PRKX: variants seen among roughly 807,000 people sequenced by gnomAD.
The protein encoded by PRKX is cAMP-dependent protein kinase catalytic subunit PRKX.
Under a neutral mutation model 22.0 loss-of-function variants are expected in PRKX, and 12 were observed. The ratio of observed to expected loss-of-function variants is 0.54; its 90% CI spans 0.35 to 0.88. The LOEUF is 0.88. Among genes scored for constraint, PRKX ranks in the 40% least tolerant of loss-of-function variants. The pLI, the probability that PRKX is intolerant of heterozygous loss-of-function variation, is 0.01. For missense variants in PRKX, 217 were observed against 308.0 expected (o/e 0.70, Z 2.21); for synonymous variants, 134 against 137.7 (o/e 0.97, Z 0.19).
At chrX:3,687,151 C>T (rs1928194607) in intron 1 of PRKX, among the ~76,000 whole-genome samples, 1 of 111,401 alleles carries the variant, frequency 9.0e-6, no homozygotes, top group African/African-American at 3.3e-5. Flanking sequence ...TCCCAAGTAG[C>T]TGGTACTACA....
intron 6 of PRKX, among the ~76,000 whole-genome samples, chrX:3,617,955 G>A (rs915141781): frequency 2.8e-5 from 3 of 107,418 alleles, no homozygotes; most frequent in African/African-American, 1.0e-4. Context: ...GTTCTTTTTG[G>A]GGGGGCGGGG....
rs12395404 is a variant in PRKX at position 3,612,149 on chromosome X, T to C, written c.*23+28A>G. Reference sequence around the variant, plus strand: ...TGTGGGGTCGAGTCAGTCTCATTTTTTGGGAATTACTAAATATAAAGATAT... The same window carrying C: ...TGTGGGGTCGAGTCAGTCTCATTTTCTGGGAATTACTAAATATAAAGATAT... On this transcript the variant is annotated intron_variant, in intron 8 of 8. Coordinates refer to ENST00000262848, the MANE Select transcript of PRKX (RefSeq NM_005044.5). The C allele has an allele frequency of 1.5e-3, 1,745 of 1,165,845 alleles. 15 individuals carry two copies. The African/African-American group carries it at 0.027, about 18-fold the overall frequency.
intron 1 of PRKX, among the ~76,000 whole-genome samples, chrX:3,688,169 G>T (rs1266849556): frequency 1.8e-5 from 2 of 108,514 alleles, no homozygotes; most frequent in African/African-American, 6.7e-5. Flanking sequence ...AACCCAGCTG[G>T]GCGCGCTGGC....
rs1393701119 is a variant in PRKX, at chrX:3,713,040, C to T, written c.166+48G>A. 4.4e-6 allele frequency: 5 copies of T among 1,124,256 alleles called. No individual in the cohort carries two copies. In the African/African-American group the frequency reaches 7.6e-5, roughly 17 times the overall value. 92.7% of individuals were successfully genotyped at this position (1,124,256 alleles called of 1,213,427 possible). A position where few individuals can be genotyped will look rare whatever the true frequency, so the allele number is the denominator to read the frequency against. On this transcript the variant is annotated intron_variant, in intron 1 of 8. Transcript: ENST00000262848. ...CCTTTGTCCTACTACAACGTCCCGG[C>T]CACGCCGCGCGCCCCTGTGGGCCGA...
intron 1 of PRKX, among the ~76,000 whole-genome samples, chrX:3,707,826 G>A (rs1458864310): frequency 9.0e-6 from 1 of 111,227 alleles, no homozygotes; most frequent in Non-Finnish European, 1.9e-5. Context: ...GTCTCACACG[G>A]AGCACCCACA....
At chrX:3,647,499 GTTA>G (rs983625222) in intron 3 of PRKX, among the ~76,000 whole-genome samples, 1 of 103,521 alleles carries the variant, frequency 9.7e-6, no homozygotes. Context: ...TACATACATT[GTTA>G]TATTAGTAAT....
intron 4 of PRKX, among the ~76,000 whole-genome samples, chrX:3,640,895 T>C (rs1462027025): frequency 9.9e-5 from 11 of 111,502 alleles, no homozygotes; most frequent in Non-Finnish European, 1.9e-5. Context: ...TTAATTATAA[T>C]GCATTAGGTA....
chrX:3,655,206 T>C lies in PRKX; in HGVS notation c.542A>G (p.Asp181Gly). 2 of 1,211,954 alleles carry C rather than the reference T, an allele frequency of 1.7e-6. No homozygotes were observed. The highest frequency in any genetic ancestry group is 1.1e-6 in the Non-Finnish European group (1 of 895,569). The part of the protein sequence containing the change: ...RDLKPENILL[D>G]RDGHIKLTDF... ...CGTGAGCTTAATGTGGCCATCCCTA[T>C]CCAGCAGGATGTTCTCTGGCTTCAA... The change falls in exon 3 of 9, where the codon GAT becomes GGT. Residue 181 changes from aspartate to glycine, a missense_variant. Coordinates refer to ENST00000262848, the MANE Select transcript of PRKX (RefSeq NM_005044.5).
chrX:3,674,918 C>T, intron 1 of PRKX, 152 bp from the exon 2 acceptor site: 1 of 590,804 alleles, frequency 1.7e-6, no homozygotes, highest in Non-Finnish European at 2.7e-6. Flanking sequence ...TGCACGTGGG[C>T]TGATGGCATT....
intron 1 of PRKX, among the ~76,000 whole-genome samples, chrX:3,708,333 A>T (rs758517113): frequency 9.0e-6 from 1 of 111,030 alleles, no homozygotes; most frequent in Admixed American, 9.7e-5. Flanking sequence ...TAAGCCACCC[A>T]GTCGGTGGTG....
chrX:3,685,205 C>T (rs1928152080), intron 1 of PRKX, among the ~76,000 whole-genome samples: 1 of 109,823 alleles, frequency 9.1e-6, no homozygotes, highest in Non-Finnish European at 1.9e-5. Flanking sequence ...TTCCTTCAGC[C>T]CTTCCCTCCT....
chrX:3,617,892 G>C (rs1291790020), intron 6 of PRKX, among the ~76,000 whole-genome samples: 1 of 108,882 alleles, frequency 9.2e-6, no homozygotes, highest in Non-Finnish European at 1.9e-5. Flanking sequence ...CCTAATACTT[G>C]GTAATGATAA....
At position 3,612,216 on chromosome X, in the gene PRKX, A is replaced by G; in HGVS notation, c.1061T>C (p.Ile354Thr). 1 of 1,208,506 alleles carries G rather than the reference A, an allele frequency of 8.3e-7. No individual in the cohort carries two copies. ...CTCCTGTCCTCAGAAATTCTTGAAG[A>G]TTTCTAAATCCTTCTGCGGCACGGG... is the stretch of plus-strand genomic sequence containing the variant. Reference protein sequence around the residue: ...AAPVPQKDLEIFKNF With the variant: ...AAPVPQKDLETFKNF Residue 354 changes from isoleucine to threonine, a missense_variant, in exon 8 of 9, where the codon ATC (isoleucine) becomes ACC (threonine). By Grantham distance (89) the Ile-to-Thr change is moderately conservative. Coordinates refer to ENST00000262848, the MANE Select transcript of PRKX (RefSeq NM_005044.5).
chrX:3,695,375 CTCTTA>C (rs1248412280), intron 1 of PRKX, among the ~76,000 whole-genome samples: 5 of 111,577 alleles, frequency 4.5e-5, no homozygotes, highest in African/African-American at 1.6e-4. Context: ...TTTTTGTTTT[CTCTTA>C]TATTTCCCTT....
At chrX:3,700,324 C>G (rs1279079703) in intron 1 of PRKX, among the ~76,000 whole-genome samples, 1 of 111,840 alleles carries the variant, frequency 8.9e-6, no homozygotes, top group Admixed American at 9.5e-5. Flanking sequence ...AGGAAGTTAA[C>G]GGAGAAACAT....
chrX:3,621,331 G>C lies in PRKX; in HGVS notation c.816-15C>G. On this transcript the variant is annotated splice_polypyrimidine_tract_variant and intron_variant, in intron 5 of 8. Transcript: ENST00000262848. ...TAATGAGGTCTCTATGTTGGGGAAG[G>C]AGACAAAAAAAAAAAAAGTACACAG... 1.7e-6 allele frequency: 2 copies of C among 1,168,300 alleles called. No homozygotes were observed. Among genetic ancestry groups the C allele is most frequent in the Non-Finnish European group, 2.3e-6 (2 of 870,597 alleles).
At position 3,674,715 on chromosome X, in the gene PRKX, T is replaced by C. The variant is rs754882533; in HGVS notation, c.218A>G (p.His73Arg). ...GCTCATCACCTTGAGGGCGAAGAAA[T>C]GCTTGGCTGTCTTCTCCTTCACCAG... ...VHLVKEKTAK[H>R]FFALKVMSIP... The change falls in exon 2 of 9, where the codon CAT becomes CGT. Residue 73 changes from histidine (H) to arginine (R), a missense_variant. Transcript: ENST00000262848. The C allele has an allele frequency of 2.5e-6, 3 of 1,211,055 alleles. No homozygotes were observed. The highest frequency in any genetic ancestry group is 3.4e-6 in the Non-Finnish European group (3 of 894,887).
At chrX:3,618,308 T>A (rs193299058) in intron 6 of PRKX, among the ~76,000 whole-genome samples, 44 of 110,902 alleles carry the variant, frequency 4.0e-4, no homozygotes, top group Non-Finnish European at 6.8e-4. Flanking sequence ...AATGATGTAT[T>A]CTCAAGAATC....
chrX:3,698,940 G>A (rs1224715424), intron 1 of PRKX, among the ~76,000 whole-genome samples: 6 of 104,264 alleles, frequency 5.8e-5, no homozygotes, highest in Admixed American at 5.2e-4. Flanking sequence ...CCACACACTC[G>A]CCCACCATCC....
Sources: allele counts gnomAD v4.1 joint callset (sites outside exome capture counted in the v4.1 genomes callset), GRCh38; gene constraint gnomAD v4.1.1; transcripts MANE v1.5; gene names NCBI Gene and HGNC (gene_info 2026-07-23, HGNC 2026-07-21).